The following PTPRN2 variants were observed in gnomAD, a reference collection of about 807,000 sequenced individuals.
PTPRN2 encodes the protein protein tyrosine phosphatase receptor type N2, also known as receptor-type tyrosine-protein phosphatase N2.
PTPRN2 carries 74 observed loss-of-function variants against 118.8 expected under a neutral mutation model. The observed-to-expected ratio is 0.62, with a 90% confidence interval of 0.52 to 0.76. PTPRN2 has a LOEUF of 0.76. Ranked by LOEUF, PTPRN2 falls within the 30% of genes least tolerant of loss-of-function variation. The pLI, the probability that PTPRN2 is intolerant of heterozygous loss-of-function variation, is 0.00. For missense variants in PTPRN2, 1,481 were observed against 1,394.4 expected (o/e 1.06, Z -0.99); for synonymous variants, 641 against 608.0 (o/e 1.05, Z -0.80).
Position 157,972,124 on chromosome 7 carries a change from G to A in PTPRN2, c.1724-73387C>T, listed in dbSNP as rs574037664. Among the ~76,000 whole-genome samples the A allele has an allele frequency of 5.0e-4, 76 of 152,310 alleles. 1 individual carries two copies. The highest frequency in any genetic ancestry group is 6.0e-4 in the Non-Finnish European group (41 of 68,034). ...CAATGATTGGCATTTGGCTATCAAGGCAGAAGAAAATGGAGCATATCACAA... is the reference window on the plus strand; with the variant it reads ...CAATGATTGGCATTTGGCTATCAAGACAGAAGAAAATGGAGCATATCACAA... On this transcript the variant is annotated intron_variant, in intron 11 of 22. Coordinates refer to ENST00000389418, the MANE Select transcript of PTPRN2 (RefSeq NM_002847.5).
chr7:158,439,389 T>C (rs1816815289), intron 2 of PTPRN2, among the ~76,000 whole-genome samples: 1 of 152,204 alleles, frequency 6.6e-6, no homozygotes, highest in Admixed American at 6.5e-5. Flanking sequence ...TATTTTGTGC[T>C]CACAAGCCTT....
At chr7:158,152,673 C>G (rs1030850609) in intron 6 of PTPRN2, among the ~76,000 whole-genome samples, 6 of 152,202 alleles carry the variant, frequency 3.9e-5, no homozygotes, top group Non-Finnish European at 5.9e-5. Flanking sequence ...CCAAGACCAC[C>G]CTGGCCCCTA....
chr7:158,126,174 G>A (rs559099195), intron 9 of PTPRN2, among the ~76,000 whole-genome samples: 1 of 74,804 alleles, frequency 1.3e-5, no homozygotes, highest in Non-Finnish European at 2.6e-5. Context: ...CTTCCTCTCC[G>A]CCACACCAGC....
At chr7:158,407,662 C>G (rs1176122855) in intron 2 of PTPRN2, among the ~76,000 whole-genome samples, 1 of 89,524 alleles carries the variant, frequency 1.1e-5, no homozygotes, top group Non-Finnish European at 2.3e-5. Context: ...CTGCATCCTG[C>G]GTCCTGCGTC....
In PTPRN2 at chr7:158,258,894, G is replaced by A. The variant is rs539137698; in HGVS notation, c.278-53621C>T. The stretch of plus-strand genomic sequence containing the variant: ...GGTCTGTCCACGAGGCCTGCACTGC[G>A]TGGTCGTGCTGGGTAGACACACCGG... On this transcript the variant is annotated intron_variant, in intron 3 of 22. Transcript: ENST00000389418. Among the ~76,000 whole-genome samples, 9 of 152,194 alleles carry A rather than the reference G, an allele frequency of 5.9e-5. 1 individual carries two copies. The South Asian group carries it at 1.0e-3, about 18-fold the overall frequency.
intron 11 of PTPRN2, among the ~76,000 whole-genome samples, chr7:158,006,450 A>G (rs1805637840): frequency 6.6e-6 from 1 of 152,166 alleles, no homozygotes; most frequent in South Asian, 2.1e-4. Flanking sequence ...ACCTCCTGCC[A>G]TCCTGAGCCT....
intron 2 of PTPRN2, among the ~76,000 whole-genome samples, chr7:158,482,561 T>G (rs1424461020): frequency 6.6e-6 from 1 of 152,212 alleles, no homozygotes; most frequent in Non-Finnish European, 1.5e-5. Context: ...ACATTGTTTT[T>G]TAGACATAGT....
chr7:158,422,261 T>C (rs1210172124), intron 2 of PTPRN2, among the ~76,000 whole-genome samples: 1 of 152,188 alleles, frequency 6.6e-6, no homozygotes. Flanking sequence ...GGTAGGTTCT[T>C]AAACAGCAAA....
chr7:157,973,883 T>C (rs556637962), intron 11 of PTPRN2, among the ~76,000 whole-genome samples: 188 of 152,324 alleles, frequency 1.2e-3, no homozygotes, highest in African/African-American at 4.2e-3. Context: ...CCACAGGGTA[T>C]GAAAAGTGGC....
intron 12 of PTPRN2, among the ~76,000 whole-genome samples, chr7:157,877,503 G>A (rs1017169592): frequency 2.6e-5 from 4 of 151,390 alleles, no homozygotes; most frequent in African/African-American, 7.3e-5. Context: ...CGGGGCCCCG[G>A]GTCCAAGTGC....
At chr7:158,187,574 A>G (rs1362229712) in intron 5 of PTPRN2, among the ~76,000 whole-genome samples, 1 of 152,202 alleles carries the variant, frequency 6.6e-6, no homozygotes, top group East Asian at 1.9e-4. Context: ...GATGACTAAG[A>G]GCTTTCTCCT....
intron 11 of PTPRN2, among the ~76,000 whole-genome samples, chr7:158,071,549 CCT>C (rs1811675874): frequency 2.1e-5 from 1 of 46,614 alleles, no homozygotes; most frequent in Non-Finnish European, 4.4e-5. Flanking sequence ...TGGAGGTGCT[CCT>C]GGTGGTGGAG....
chr7:157,657,079 T>C (rs1261374369), intron 13 of PTPRN2, among the ~76,000 whole-genome samples: 1 of 57,966 alleles, frequency 1.7e-5, no homozygotes, highest in African/African-American at 6.9e-5. Flanking sequence ...ACGTCACACA[T>C]ATACACACAC....
intron 18 of PTPRN2, 48 bp downstream of exon 18, chr7:157,577,973 C>T: frequency 6.6e-7 from 1 of 1,520,850 alleles, no homozygotes; most frequent in Non-Finnish European, 8.9e-7. Context: ...CAGGGCCCGT[C>T]CTCGTCCGGC....
intron 2 of PTPRN2, among the ~76,000 whole-genome samples, chr7:158,323,204 G>T (rs1029619763): frequency 6.6e-6 from 1 of 152,198 alleles, no homozygotes; most frequent in African/African-American, 2.4e-5. Context: ...GCCTGGCCTG[G>T]AACTCCGATA....
intron 9 of PTPRN2, among the ~76,000 whole-genome samples, chr7:158,123,304 C>G (rs1022505641): frequency 6.6e-6 from 1 of 152,224 alleles, no homozygotes; most frequent in African/African-American, 2.4e-5. Flanking sequence ...TCGAGGGTGG[C>G]AAACAGTGGG....
At chr7:158,182,108 T>G (rs1402155724) in intron 5 of PTPRN2, among the ~76,000 whole-genome samples, 1 of 152,210 alleles carries the variant, frequency 6.6e-6, no homozygotes, top group Non-Finnish European at 1.5e-5. Flanking sequence ...TGATAACTTG[T>G]GTCACTATTA....
intron 15 of PTPRN2, among the ~76,000 whole-genome samples, chr7:157,606,790 T>A (rs762357853): frequency 2.0e-5 from 3 of 152,238 alleles, no homozygotes; most frequent in Non-Finnish European, 4.4e-5. Flanking sequence ...TTACAGTTTT[T>A]AAAACAACAA....
chr7:158,204,316 G>A (rs1826949799), intron 4 of PTPRN2, among the ~76,000 whole-genome samples: 1 of 152,262 alleles, frequency 6.6e-6, no homozygotes, highest in African/African-American at 2.4e-5. Context: ...CCCTCAGTGT[G>A]TGCGGCGTGC....
Sources: allele counts gnomAD v4.1 joint callset (sites outside exome capture counted in the v4.1 genomes callset), GRCh38; gene constraint gnomAD v4.1.1; transcripts MANE v1.5; gene names NCBI Gene and HGNC (gene_info 2026-07-23, HGNC 2026-07-21).